SMIM14: variants seen among roughly 807,000 people sequenced by gnomAD.
SMIM14 encodes chromosome 4 open reading frame 34.
SMIM14 carries 5 observed loss-of-function variants against 12.6 expected under a neutral mutation model. The observed-to-expected ratio is 0.40, with a 90% CI of 0.21 to 0.83. SMIM14 has a LOEUF of 0.83. Ranked by LOEUF, SMIM14 falls within the 40% of genes least tolerant of loss-of-function variation. The pLI is 0.37. For synonymous variants in SMIM14, 30 were observed against 40.1 expected, an observed-to-expected ratio of 0.75 and a Z score of 0.95; for missense variants, 86 against 119.1, an observed-to-expected ratio of 0.72 and a Z score of 1.29.
chr4:39,576,685 T>TATATATATA (rs1491465219), intron 2 of SMIM14, among the ~76,000 whole-genome samples: 10 of 4,638 alleles, frequency 2.2e-3, no homozygotes, highest in South Asian at 0.013. Flanking sequence ...TATATATATA[T>TATATATATA]TTTTTTTTTT....
At chr4:39,621,260 C>A (rs1342850237) in intron 1 of SMIM14, among the ~76,000 whole-genome samples, 1 of 151,802 alleles carries the variant, frequency 6.6e-6, no homozygotes, top group Non-Finnish European at 1.5e-5. Flanking sequence ...TGAAAAATAT[C>A]AAATTTAGGA....
chr4:39,589,669 A>C (rs1560295301), intron 2 of SMIM14: 1 of 152,216 alleles, frequency 6.6e-6, no homozygotes, highest in Non-Finnish European at 1.5e-5. Context: ...CGAAGCCAGA[A>C]GCAAATTATT....
intron 1 of SMIM14, among the ~76,000 whole-genome samples, chr4:39,623,061 C>T (rs948685036): frequency 2.0e-5 from 3 of 152,180 alleles, no homozygotes; most frequent in African/African-American, 7.2e-5. Context: ...GAACTTTGAA[C>T]ACTGTTTAAA....
At chr4:39,572,682 T>C (rs1393693666) in intron 2 of SMIM14, among the ~76,000 whole-genome samples, 2 of 151,786 alleles carry the variant, frequency 1.3e-5, no homozygotes, top group Non-Finnish European at 1.5e-5. Flanking sequence ...ATTAGCCAGG[T>C]GTGGTGGTGT....
At chr4:39,576,676 ATATATATATTTTTTTTTTTTTTTTT>A (rs1482649865) in intron 2 of SMIM14, among the ~76,000 whole-genome samples, 6 of 31,032 alleles carry the variant, frequency 1.9e-4, no homozygotes, top group African/African-American at 5.9e-4. Flanking sequence ...ATATATATAT[ATATATATATTTTTTTTTTTTTTTTT>A]TTTTTTTTTT....
Position 39,620,507 on chromosome 4 carries a change from A to T in SMIM14, c.-35-15327T>A, listed in dbSNP as rs1206965057. 2.0e-5 allele frequency among the ~76,000 whole-genome samples: 3 copies of T among 151,754 alleles called. No homozygotes were observed. The East Asian group carries it at 5.8e-4, about 29-fold the overall frequency. On this transcript the variant is annotated intron_variant, in intron 1 of 4. Transcript: ENST00000295958. ...AAAAAATTATTTAAAAATAAAAATA[A>T]TTTTTTTTGTAGAGACAGAGGTCTT...
intron 1 of SMIM14, among the ~76,000 whole-genome samples, chr4:39,634,239 T>C (rs564990232): frequency 1.3e-5 from 2 of 152,316 alleles, no homozygotes; most frequent in African/African-American, 4.8e-5. Flanking sequence ...AGAATGTTTT[T>C]TAAGGTCATC....
intron 1 of SMIM14, among the ~76,000 whole-genome samples, chr4:39,616,382 C>T (rs1361701097): frequency 6.6e-6 from 1 of 152,228 alleles, no homozygotes; most frequent in East Asian, 1.9e-4. Flanking sequence ...GTGACCTGCT[C>T]CCTCAGCCTC....
chr4:39,629,902 C>T (rs1157306923), intron 1 of SMIM14, among the ~76,000 whole-genome samples: 2 of 152,126 alleles, frequency 1.3e-5, no homozygotes, highest in African/African-American at 2.4e-5. Context: ...GCTGGGATTA[C>T]AGGCATGAGC....
intron 3 of SMIM14, among the ~76,000 whole-genome samples, chr4:39,559,724 C>A (rs1712199371): frequency 6.6e-6 from 1 of 151,920 alleles, no homozygotes; most frequent in African/African-American, 2.4e-5. Flanking sequence ...TTATGGCAAA[C>A]AAATTAGTAC....
chr4:39,635,515 G>C (rs1448127443), intron 1 of SMIM14, among the ~76,000 whole-genome samples: 1 of 152,176 alleles, frequency 6.6e-6, no homozygotes, highest in Non-Finnish European at 1.5e-5. Context: ...GATCAGGTAA[G>C]AGATGAAGAT....
At chr4:39,591,891 C>G (rs553878019) in intron 2 of SMIM14, among the ~76,000 whole-genome samples, 1 of 152,178 alleles carries the variant, frequency 6.6e-6, no homozygotes, top group East Asian at 1.9e-4. Flanking sequence ...TAAAATAACC[C>G]TATAATAACA....
rs138890364 is a variant in SMIM14 at position 39,602,467 on chromosome 4, C to T, written c.75+2604G>A. On this transcript the variant is annotated intron_variant, in intron 2 of 4. Coordinates refer to ENST00000295958, the MANE Select transcript of SMIM14 (RefSeq NM_174921.3). ...AAAAGTAGCTGGGCGTGGTGGCAGGCGCCTGTAATTCCAGCTGCTTGGGAG... is the reference window on the plus strand; with the variant it reads ...AAAAGTAGCTGGGCGTGGTGGCAGGTGCCTGTAATTCCAGCTGCTTGGGAG... 4.0e-3 allele frequency among the ~76,000 whole-genome samples: 611 copies of T among 151,988 alleles called. 6 individuals are homozygous for T. Among genetic ancestry groups the T allele is most frequent in the African/African-American group, 0.014 (576 of 41,442 alleles).
chr4:39,575,868 T>C (rs1054244559), intron 2 of SMIM14, among the ~76,000 whole-genome samples: 1 of 151,544 alleles, frequency 6.6e-6, no homozygotes, highest in Non-Finnish European at 1.5e-5. Context: ...GTGCTGGGAT[T>C]ACAGGCGTGA....
At position 39,558,583 on chromosome 4, in the gene SMIM14, T is replaced by C. The variant is rs1712128087; in HGVS notation, c.125-2013A>G. ...AGTGGGCTTACCTAAAAAAACCCAG[T>C]TATACAAAGAAGAGAAGCTGTGCTT... On this transcript the variant is annotated intron_variant, in intron 3 of 4. Coordinates refer to ENST00000295958, the MANE Select transcript of SMIM14 (RefSeq NM_174921.3). The surrounding 1 kb of genome is among the most constrained non-coding windows in gnomAD (Gnocchi z 4.3). Among the ~76,000 whole-genome samples, 1 of 152,198 alleles carries C rather than the reference T, an allele frequency of 6.6e-6. No individual in the cohort carries two copies. The highest frequency in any genetic ancestry group is 2.4e-5 in the African/African-American group (1 of 41,438).
Position 39,605,139 on chromosome 4 carries a change from C to T in SMIM14, c.7G>A (p.Glu3Lys). Residue 3 changes from glutamate to lysine, a missense_variant, in exon 2 of 5, where the codon GAA becomes AAA. Physicochemically the swap from Glu to Lys is moderately conservative, Grantham distance 56. Coordinates refer to ENST00000295958, the MANE Select transcript of SMIM14 (RefSeq NM_174921.3). ...CATTCACAGGGATCAAATCCACCTT[C>T]TGCCATGATTACCCAGCTTGATTTT... MA[E>K]GGFDPCECVC... 6.2e-7 allele frequency: 1 copy of T among 1,604,704 alleles called. No homozygotes were observed. The highest frequency in any genetic ancestry group is 8.5e-7 in the Non-Finnish European group (1 of 1,178,344).
At position 39,619,860 on chromosome 4, in the gene SMIM14, T is replaced by TTTTATA. The variant is rs1553866651; in HGVS notation, c.-35-14681_-35-14680insTATAAA. ...AATGTATATATATATTTATATATAT[T>TTTTATA]TATATATATATATATATTTTTTTTT... On this transcript the variant is annotated intron_variant, in intron 1 of 4. Coordinates refer to ENST00000295958, the MANE Select transcript of SMIM14 (RefSeq NM_174921.3). Among the ~76,000 whole-genome samples the TTTTATA allele has an allele frequency of 5.0e-4, 55 of 111,080 alleles. 1 individual carries two copies. Among genetic ancestry groups the TTTTATA allele is most frequent in the African/African-American group, 2.0e-3 (52 of 26,372 alleles). The allele number at this position is 111,080 out of a possible 152,430, so 72.9% of individuals were successfully genotyped here.
chr4:39,585,113 G>C (rs75199746), intron 2 of SMIM14, among the ~76,000 whole-genome samples: 1 of 151,786 alleles, frequency 6.6e-6, no homozygotes, highest in East Asian at 1.9e-4. Context: ...GTATATAAGT[G>C]CCTAGAAATG....
At chr4:39,637,310 A>G (rs1248774654) in intron 1 of SMIM14, among the ~76,000 whole-genome samples, 4 of 152,210 alleles carry the variant, frequency 2.6e-5, no homozygotes. Context: ...TAAAAAGCTG[A>G]AAAAGAACTT....
Sources: allele counts gnomAD v4.1 joint callset (sites outside exome capture counted in the v4.1 genomes callset), GRCh38; gene constraint gnomAD v4.1.1; non-coding constraint Gnocchi (gnomAD v3.1); transcripts MANE v1.5; gene names NCBI Gene and HGNC (gene_info 2026-07-23, HGNC 2026-07-21).